The following MLLT6 variants were observed in gnomAD, a reference collection of about 807,000 sequenced individuals.
The protein encoded by MLLT6 is protein AF-17.
MLLT6 carries 22 observed loss-of-function variants against 103.0 expected under a neutral mutation model. That is an observed-to-expected ratio of 0.21 (90% confidence interval 0.15 to 0.31). The LOEUF is 0.31. Ranked by LOEUF, MLLT6 falls within the 10% of genes least tolerant of loss-of-function variation. The pLI is 1.00. For missense variants in MLLT6, 1,199 were observed against 1,441.7 expected (o/e 0.83, Z 2.73); for synonymous variants, 606 against 623.5 (o/e 0.97, Z 0.42).
chr17:38,718,069 T>G, intron 12 of MLLT6, 116 bp downstream of exon 12: 12 of 698,426 alleles, frequency 1.7e-5, no homozygotes, highest in Non-Finnish European at 2.7e-5. Context: ...CCTCTGGCCA[T>G]TGCCCTCCCT....
intron 7 of MLLT6, 45 bp from the exon 8 acceptor site, chr17:38,712,646 C>G (rs200171300): frequency 1.5e-5 from 20 of 1,324,386 alleles, no homozygotes; most frequent in Non-Finnish European, 2.2e-5. Context: ...TGTCCTCGCC[C>G]AGACAGCCCC....
intron 8 of MLLT6, chr17:38,713,034 T>C: frequency 1.3e-6 from 1 of 776,226 alleles, no homozygotes; most frequent in East Asian, 2.4e-5. Context: ...CATCTGCCTC[T>C]GTCCAGAGGG....
Position 38,705,528 on chromosome 17 carries a change from G to T in MLLT6, c.-105G>T. 2.0e-6 allele frequency: 1 copy of T among 491,370 alleles called. No individual in the cohort carries two copies. Among genetic ancestry groups the T allele is most frequent in the Non-Finnish European group, 3.6e-6 (1 of 274,210 alleles). The allele number at this position is 491,370 out of a possible 1,614,324, so 30.4% of individuals were successfully genotyped here. On this transcript the variant is annotated 5_prime_UTR_variant, in exon 1 of 20. Transcript: ENST00000621332. ...AGCGGCGGCGGCGGAGGGAGAGGAG[G>T]AGGGGGCGAGGAGGCGCGCGGCCCC...
chr17:38,713,200 CTG>C (rs1905206224), intron 8 of MLLT6: 5 of 607,306 alleles, frequency 8.2e-6, no homozygotes, highest in Admixed American at 7.4e-5. Context: ...AAATCCCACT[CTG>C]TGCAGGTTGG....
Position 38,721,928 on chromosome 17 carries a change from C to T in MLLT6, c.2493C>T (p.His831=), listed in dbSNP as rs910172176. 3 of 1,557,948 alleles carry T rather than the reference C, an allele frequency of 1.9e-6. No individual in the cohort carries two copies. The highest frequency in any genetic ancestry group is 2.6e-6 in the Non-Finnish European group (3 of 1,159,680). The change falls in exon 17 of 20, where the codon CAC becomes CAT. Residue 831 remains histidine (H), a synonymous_variant. Coordinates refer to ENST00000621332, the MANE Select transcript of MLLT6 (RefSeq NM_005937.4). ...GCAGCAGCTCGTCGCTGTCCTTCCA[C>T]AGCACGCCCCCACCGCTGCCCCTCC... The part of the protein sequence containing the change: ...PSRSSSSLSF[H]STPPPLPLLQ...
intron 1 of MLLT6, chr17:38,706,350 C>G (rs1212226284): frequency 1.3e-5 from 2 of 152,208 alleles, no homozygotes; most frequent in African/African-American, 4.8e-5. Context: ...AGGCTGGCAT[C>G]TCCCGCCTGC....
At chr17:38,710,754 C>T (rs1442236482) in intron 6 of MLLT6, among the ~76,000 whole-genome samples, 3 of 152,186 alleles carry the variant, frequency 2.0e-5, no homozygotes, top group African/African-American at 4.8e-5. Flanking sequence ...CAGTTTATAC[C>T]TGTTGCCCTG....
intron 18 of MLLT6, 31 bp downstream of exon 18, chr17:38,722,799 C>G (rs1326192779): frequency 2.6e-6 from 4 of 1,517,430 alleles, no homozygotes; most frequent in Non-Finnish European, 3.7e-6. Flanking sequence ...GCCTCAGGTG[C>G]CCCTTGGTCT....
In MLLT6 at chr17:38,707,906, C is replaced by A. The variant is rs536536814; in HGVS notation, c.354+34C>A. 1.1e-5 allele frequency: 15 copies of A among 1,325,262 alleles called. No individual in the cohort carries two copies. In the South Asian group the frequency reaches 1.6e-4, roughly 14 times the overall value. The allele number at this position is 1,325,262 out of a possible 1,614,324, so 82.1% of individuals were successfully genotyped here. A position where few individuals can be genotyped will look rare whatever the true frequency, so the allele number is the denominator to read the frequency against. On this transcript the variant is annotated intron_variant, in intron 4 of 19. Coordinates refer to ENST00000621332, the MANE Select transcript of MLLT6 (RefSeq NM_005937.4). ...CCCCCCGCCGTGTCCCCTACCAGTT[C>A]CCTCCCATCTATGGGTTCCTCCAAC...
Position 38,725,840 on chromosome 17 carries a change from G to A in MLLT6, c.*242G>A. On this transcript the variant is annotated 3_prime_UTR_variant, in exon 20 of 20. Transcript: ENST00000621332. ...CTTTGTGAGGCTCAGAGGAAGGACA[G>A]TCTGCAAGCCCGCCTAGGAGGTCCA... 1 of 490,476 alleles carries A rather than the reference G, an allele frequency of 2.0e-6. No individual in the cohort carries two copies. The highest frequency in any genetic ancestry group is 3.5e-6 in the Non-Finnish European group (1 of 282,412). The allele number at this position is 490,476 out of a possible 1,614,324, so 30.4% of individuals were successfully genotyped here. A position where few individuals can be genotyped will look rare whatever the true frequency, so the allele number is the denominator to read the frequency against.
intron 1 of MLLT6, chr17:38,706,012 G>GC (rs1555621763): frequency 5.3e-6 from 1 of 187,096 alleles, no homozygotes; most frequent in Non-Finnish European, 1.1e-5. Flanking sequence ...AACTCCCCAC[G>GC]CCCCACACCG....
chr17:38,719,605 A>C (rs1447642483), intron 13 of MLLT6, 22 bp downstream of exon 13: 1 of 1,593,210 alleles, frequency 6.3e-7, no homozygotes, highest in Non-Finnish European at 8.6e-7. Context: ...GGCAGCCTGG[A>C]GGAGGGGCTG....
rs1413932919 is a variant in MLLT6, at chr17:38,724,582, G to A, written c.2884-38G>A. 17 of 1,506,564 alleles carry A rather than the reference G, an allele frequency of 1.1e-5. No homozygotes were observed. The highest frequency in any genetic ancestry group is 6.9e-5 in the East Asian group (3 of 43,548). 93.3% of individuals were successfully genotyped at this position (1,506,564 alleles called of 1,614,324 possible). On this transcript the variant is annotated intron_variant, in intron 18 of 19. Coordinates refer to ENST00000621332, the MANE Select transcript of MLLT6 (RefSeq NM_005937.4). The surrounding 1 kb of genome is among the most constrained non-coding windows in gnomAD (Gnocchi z 5.4). ...GGCAGGCAGCAGGGAAGAGACCCCC[G>A]GGACTGTTGGCCAACAAGCGGTCTG...
In MLLT6 at chr17:38,716,223, A is replaced by G; in HGVS notation, c.1037-144A>G. Reference sequence around the variant, plus strand: ...TGGAGGGGTCGGGGGTACTCATCCCAGGACACAGACAGTGGCAGAGCTGAG... The same window carrying G: ...TGGAGGGGTCGGGGGTACTCATCCCGGGACACAGACAGTGGCAGAGCTGAG... On this transcript the variant is annotated intron_variant, in intron 9 of 19. Transcript: ENST00000621332. This position sits in a 1 kb window ranked among gnomAD's most constrained non-coding sequence, Gnocchi z 5.6. The G allele has an allele frequency of 2.3e-6, 2 of 861,544 alleles. No homozygotes were observed. The highest frequency in any genetic ancestry group is 2.9e-5 in the Admixed American group (1 of 34,576). The allele number at this position is 861,544 out of a possible 1,614,324, so 53.4% of individuals were successfully genotyped here.
At position 38,720,500 on chromosome 17, in the gene MLLT6, CCTGCCCTGCCTG is replaced by C. The variant is rs762948585; in HGVS notation, c.2298_2309del (p.Leu768_Ala771del). ...CAACGTGCAGCTCTCTGTGCCCTTC[CCTGCCCTGCCTG>C]CTGCCCTGCCTGCCGCCAACGGCCC... is the stretch of plus-strand genomic sequence containing the variant. On this transcript the variant is annotated inframe_deletion, in exon 15 of 20. Coordinates refer to ENST00000621332, the MANE Select transcript of MLLT6 (RefSeq NM_005937.4). The C allele has an allele frequency of 2.4e-5, 39 of 1,612,588 alleles. 1 individual carries two copies. In the African/African-American group the frequency reaches 2.7e-4, roughly 11 times the overall value.
In MLLT6 at chr17:38,712,768, C is replaced by T. The variant is rs778053866; in HGVS notation, c.798C>T (p.Pro266=). Reference sequence around the variant, plus strand: ...CGCCCCCCAGCATCCTCACCCCGCCCGTGGTCCCCACTGCTGACAAGGTAC... The same window carrying T: ...CGCCCCCCAGCATCCTCACCCCGCCTGTGGTCCCCACTGCTGACAAGGTAC... ...PESPPSILTP[P]VVPTADKVSS... Residue 266 remains proline (P), a synonymous_variant, in exon 8 of 20, where the codon CCC becomes CCT. Transcript: ENST00000621332. The T allele has an allele frequency of 1.5e-5, 25 of 1,613,536 alleles. No individual in the cohort carries two copies. The highest frequency in any genetic ancestry group is 6.7e-5 in the East Asian group (3 of 44,876).
At chr17:38,719,653 G>C (rs749296206) in intron 13 of MLLT6, 70 bp downstream of exon 13, 70 of 1,567,178 alleles carry the variant, frequency 4.5e-5, no homozygotes, top group Non-Finnish European at 6.1e-5. Flanking sequence ...GGGACGGAGA[G>C]ACCGGCGTGG....
intron 12 of MLLT6, chr17:38,719,200 T>TC (rs1245566302): frequency 2.4e-6 from 1 of 418,376 alleles, no homozygotes; most frequent in African/African-American, 2.1e-5. Context: ...TTAAGTTCAA[T>TC]CCAGGTCTGT....
Position 38,705,748 on chromosome 17 carries a change from G to A in MLLT6, c.109+7G>A, listed in dbSNP as rs899118457. ...AGCGTGGCCGTCCACCAAGGTACGG[G>A]GGTGGCCCGCGGGGGGCGGCGGGAC... On this transcript the variant is annotated splice_region_variant and intron_variant, in intron 1 of 19. Transcript: ENST00000621332. The A allele has an allele frequency of 2.9e-6, 4 of 1,376,198 alleles. No individual in the cohort carries two copies. The highest frequency in any genetic ancestry group is 3.8e-6 in the Non-Finnish European group (4 of 1,051,464). The allele number at this position is 1,376,198 out of a possible 1,614,324, so 85.2% of individuals were successfully genotyped here. A position where few individuals can be genotyped will look rare whatever the true frequency, so the allele number is the denominator to read the frequency against.
Sources: allele counts gnomAD v4.1 joint callset (sites outside exome capture counted in the v4.1 genomes callset), GRCh38; gene constraint gnomAD v4.1.1; non-coding constraint Gnocchi (gnomAD v3.1); transcripts MANE v1.5; gene names NCBI Gene and HGNC (gene_info 2026-07-23, HGNC 2026-07-21).